GRK1: variants seen among roughly 807,000 people sequenced by gnomAD.
GRK1 encodes rhodopsin kinase GRK1.
A neutral mutation model predicts 41.7 loss-of-function variants in GRK1; 28 were observed. The observed-to-expected ratio is 0.67, with a 90% CI of 0.50 to 0.92. GRK1 has a LOEUF of 0.92. GRK1 is among the 40% of genes least tolerant of loss of function. The probability of loss-of-function intolerance (pLI) is 0.00; values close to 1 mark genes in which losing one functional copy is unlikely to be tolerated. For missense variants in GRK1, 703 were observed against 671.2 expected (o/e 1.05, Z -0.52); for synonymous variants, 327 against 286.7 (o/e 1.14, Z -1.42).
chr13:113,649,442 C>T, the GRK1 span: 7 of 1,578,624 alleles, frequency 4.4e-6, no homozygotes, highest in East Asian at 2.3e-5. The surrounding 1 kb of genome is among the most constrained non-coding windows in gnomAD (Gnocchi z 4.7). Flanking sequence ...TTGAAGGTCA[C>T]GTGCTCCGCC....
the GRK1 span, among the ~76,000 whole-genome samples, chr13:113,660,997 A>G: frequency 2.6e-5 from 4 of 152,240 alleles, no homozygotes; most frequent in Non-Finnish European, 5.9e-5. Context: ...ACTCAACATC[A>G]TCAACCAACA....
intron 4 of GRK1, among the ~76,000 whole-genome samples, chr13:113,729,969 C>T (rs554796355): frequency 6.6e-5 from 10 of 150,928 alleles, no homozygotes; most frequent in Non-Finnish European, 1.0e-4. Flanking sequence ...ACCCGCCCCT[C>T]CATCTGGAGA....
At chr13:113,654,380 C>T in the GRK1 span, among the ~76,000 whole-genome samples, 1 of 152,196 alleles carries the variant, frequency 6.6e-6, no homozygotes, top group African/African-American at 2.4e-5. Context: ...AGGTGACCAG[C>T]GGGCTCTTTT....
the GRK1 span, chr13:113,649,062 A>T: frequency 4.3e-6 from 1 of 233,350 alleles, no homozygotes; most frequent in South Asian, 6.0e-5. The surrounding 1 kb of genome is among the most constrained non-coding windows in gnomAD (Gnocchi z 4.7). Context: ...AGTGATGTCT[A>T]CATAGAAGAC....
intron 3 of GRK1, among the ~76,000 whole-genome samples, chr13:113,672,278 G>A (rs1052124449): frequency 5.3e-5 from 8 of 151,136 alleles, no homozygotes; most frequent in African/African-American, 7.3e-5. Flanking sequence ...TGGTGTGTGC[G>A]GTGTGTGTAA....
chr13:113,732,891 A>T lies in GRK1; in HGVS notation c.1202A>T (p.Asn401Ile), dbSNP rs766909455. The change falls in exon 6 of 7, where the codon AAC becomes ATC. Residue 401 changes from asparagine (N) to isoleucine (I), a missense_variant. Coordinates refer to ENST00000335678, the MANE Select transcript of GRK1 (RefSeq NM_002929.3). ...PFRARGEKVE[N>I]KELKHRIISE... ...CTACGCGTGTCCCCACAGGTGGAGAACAAGGAGCTGAAGCACCGGATCATC... is the reference window on the plus strand; with the variant it reads ...CTACGCGTGTCCCCACAGGTGGAGATCAAGGAGCTGAAGCACCGGATCATC... 45 of 1,536,578 alleles carry T rather than the reference A, an allele frequency of 2.9e-5. 1 individual carries two copies. Among genetic ancestry groups the T allele is most frequent in the African/African-American group, 2.1e-4 (15 of 73,166 alleles).
chr13:113,731,746 G>A lies in GRK1; in HGVS notation c.1194+403G>A, dbSNP rs2049938869. Among the ~76,000 whole-genome samples, 1 of 152,174 alleles carries A rather than the reference G, an allele frequency of 6.6e-6. No individual in the cohort carries two copies. Among genetic ancestry groups the A allele is most frequent in the Non-Finnish European group, 1.5e-5 (1 of 68,006 alleles). On this transcript the variant is annotated intron_variant, in intron 5 of 6. Transcript: ENST00000335678. The surrounding 1 kb of genome is among the most constrained non-coding windows in gnomAD (Gnocchi z 5.6). ...TGGGCAGTGGGACAAACCACCTTTT[G>A]TGGTTTGGGGTGGAGCTTCATCCCC...
Position 113,731,377 on chromosome 13 carries a change from C to T in GRK1, c.1194+34C>T, listed in dbSNP as rs1408575527. On this transcript the variant is annotated intron_variant, in intron 5 of 6. Coordinates refer to ENST00000335678, the MANE Select transcript of GRK1 (RefSeq NM_002929.3). The surrounding 1 kb of genome is among the most constrained non-coding windows in gnomAD (Gnocchi z 5.6). ...CGGCCGGCAGGTGTCTCTGCAGCCA[C>T]CTTGGCGCCCTGGCTCTCGATGGGG... 13 of 1,536,050 alleles carry T rather than the reference C, an allele frequency of 8.5e-6. No homozygotes were observed. Among genetic ancestry groups the T allele is most frequent in the South Asian group, 1.2e-5 (1 of 84,000 alleles).
At chr13:113,652,736 C>T in the GRK1 span, 2 of 979,568 alleles carry the variant, frequency 2.0e-6, no homozygotes, top group Middle Eastern at 2.0e-4. Context: ...AACCAAGGTA[C>T]AGGGTGGTGA....
At chr13:113,652,682 T>C in the GRK1 span, 2 of 706,852 alleles carry the variant, frequency 2.8e-6, no homozygotes, top group Non-Finnish European at 5.1e-6. Context: ...TGACGAGTGG[T>C]TTCAAATTTG....
At chr13:113,651,681 C>T in the GRK1 span, 1 of 1,613,368 alleles carries the variant, frequency 6.2e-7, no homozygotes. Flanking sequence ...CAGGAAGGCG[C>T]AGTCCACTCT....
intron 5 of GRK1, among the ~76,000 whole-genome samples, chr13:113,732,059 A>T (rs1044592913): frequency 2.9e-4 from 44 of 152,246 alleles, no homozygotes; most frequent in African/African-American, 1.0e-3. Flanking sequence ...CTTATTCAAG[A>T]CAAGTGGAGA....
the GRK1 span, chr13:113,654,905 C>T: frequency 1.2e-6 from 2 of 1,614,248 alleles, no homozygotes; most frequent in Non-Finnish European, 1.7e-6. Context: ...GCCCAGTCAT[C>T]ACCACGTAGA....
the GRK1 span, among the ~76,000 whole-genome samples, chr13:113,654,489 A>T: frequency 6.6e-6 from 1 of 152,260 alleles, no homozygotes; most frequent in Non-Finnish European, 1.5e-5. Flanking sequence ...AAGTGGATGG[A>T]AAAACTTTGT....
rs2049843352 is a variant in GRK1, at chr13:113,669,680, T to A, written c.700-7T>A. On this transcript the variant is annotated splice_region_variant and splice_polypyrimidine_tract_variant and intron_variant, in intron 1 of 6. Coordinates refer to ENST00000335678, the MANE Select transcript of GRK1 (RefSeq NM_002929.3). Reference sequence around the variant, plus strand: ...AGCCAGTGCGTACTCAGCGTCTCACTTTTCAGGGTGCTATGGTGGAGAAGA... The same window carrying A: ...AGCCAGTGCGTACTCAGCGTCTCACATTTCAGGGTGCTATGGTGGAGAAGA... 6.2e-7 allele frequency: 1 copy of A among 1,613,866 alleles called. No homozygotes were observed. Among genetic ancestry groups the A allele is most frequent in the Non-Finnish European group, 8.5e-7 (1 of 1,179,768 alleles).
chr13:113,672,518 G>GGTT (rs1336549115), intron 3 of GRK1, among the ~76,000 whole-genome samples: 32 of 1,164 alleles, frequency 0.027, 3 homozygotes, highest in African/African-American at 0.072. Context: ...TAAATTGTGT[G>GGTT]GTGTGTGTGT....
the GRK1 span, chr13:113,653,489 C>T: frequency 6.5e-7 from 1 of 1,527,766 alleles, no homozygotes; most frequent in Non-Finnish European, 9.1e-7. Context: ...ACATTTAAGC[C>T]ATCAGTTCTG....
chr13:113,663,038 T>G (rs1305377117), upstream of GRK1, among the ~76,000 whole-genome samples: 1 of 152,228 alleles, frequency 6.6e-6, no homozygotes, highest in African/African-American at 2.4e-5. Context: ...TTTTGAAATT[T>G]TTTTTGAAAA....
chr13:113,735,442 G>A lies in GRK1; in HGVS notation c.*79G>A. ...CCGCCTGCCTCCGTGGTGCCAGCCTGGGGTCTGCTAGCAAGGGGACACGTG... is the reference window on the plus strand; with the variant it reads ...CCGCCTGCCTCCGTGGTGCCAGCCTAGGGTCTGCTAGCAAGGGGACACGTG... On this transcript the variant is annotated 3_prime_UTR_variant, in exon 7 of 7. Coordinates refer to ENST00000335678, the MANE Select transcript of GRK1 (RefSeq NM_002929.3). 7.1e-7 allele frequency: 1 copy of A among 1,401,246 alleles called. No individual in the cohort carries two copies. The highest frequency in any genetic ancestry group is 1.5e-5 in the South Asian group (1 of 64,804). 86.8% of individuals were successfully genotyped at this position (1,401,246 alleles called of 1,614,324 possible).
Sources: gnomAD v4.1 joint callset for allele counts (sites outside exome capture counted in the v4.1 genomes callset) on GRCh38, gnomAD v4.1.1 for gene constraint, Gnocchi (gnomAD v3.1) non-coding constraint, MANE v1.5 for transcripts, NCBI Gene and HGNC (gene_info 2026-07-23, HGNC 2026-07-21) for gene names.